The following ZNF638 variants were observed in gnomAD, a reference collection of about 807,000 sequenced individuals.
ZNF638 encodes CTCL tumor antigen se33-1.
In ZNF638, 46 loss-of-function variants were observed where a neutral mutation model predicts 195.6. The observed-to-expected ratio is 0.24, with a 90% CI of 0.19 to 0.30. ZNF638 has a LOEUF of 0.30. Among genes scored for constraint, ZNF638 ranks in the 10% least tolerant of loss-of-function variants. The pLI is 1.00. For synonymous variants in ZNF638, 845 were observed against 772.0 expected (o/e 1.09, Z -1.57); for missense variants, 2,440 against 2,325.3 (o/e 1.05, Z -1.01).
At chr2:71,357,931 G>GT (rs1156712415) in intron 3 of ZNF638, among the ~76,000 whole-genome samples, 3 of 151,784 alleles carry the variant, frequency 2.0e-5, no homozygotes, top group African/African-American at 7.3e-5. Context: ...TTTTCTTTTT[G>GT]TTTTTTTCTT....
At chr2:71,361,768 C>G (rs1474587770) in intron 3 of ZNF638, 1 of 152,186 alleles carries the variant, frequency 6.6e-6, no homozygotes, top group East Asian at 1.9e-4. Flanking sequence ...TTGGTTAGAA[C>G]TTACCACTGG....
chr2:71,400,730 G>T (rs10210436), intron 15 of ZNF638, among the ~76,000 whole-genome samples: 143,122 of 152,224 alleles, frequency 0.94, 67,373 homozygotes, highest in East Asian at 1. Context: ...GTCACAAAAA[G>T]TAGGAACAGA....
rs1011688159 is a variant in ZNF638, at chr2:71,388,295, T to C, written c.2377+7730T>C. ...TTTATCTAGATAAGTTTATTTACTT[T>C]TGCCGACCTTTGATCATCCGACCTT... On this transcript the variant is annotated intron_variant, in intron 10 of 27. Coordinates refer to ENST00000264447, the MANE Select transcript of ZNF638 (RefSeq NM_014497.5). 2.2e-5 allele frequency: 9 copies of C among 407,708 alleles called. 1 individual carries two copies. The highest frequency in any genetic ancestry group is 6.9e-5 in the Admixed American group (2 of 28,968). The allele number at this position is 407,708 out of a possible 1,614,324, so 25.3% of individuals were successfully genotyped here.
chr2:71,362,502 C>T (rs918489090), intron 3 of ZNF638, among the ~76,000 whole-genome samples: 1 of 152,146 alleles, frequency 6.6e-6, no homozygotes, highest in Admixed American at 6.5e-5. Context: ...TTTGTCTCTA[C>T]CTGAAACAAC....
At chr2:71,332,032 A>G (rs2078578926) in intron 1 of ZNF638, among the ~76,000 whole-genome samples, 157 bp downstream of exon 1, 1 of 145,462 alleles carries the variant, frequency 6.9e-6, no homozygotes, top group Non-Finnish European at 1.5e-5. Flanking sequence ...GGGCGGGAGG[A>G]GGTTGGGGGA....
chr2:71,424,707 T>C lies in ZNF638; in HGVS notation c.4582T>C (p.Ser1528Pro), dbSNP rs186518279. ...PKSTTGRSSK[S>P]KEEPLFPFNL... is the part of the protein sequence containing the mutation. ...AAGCACTACTGGTAGAAGTTCCAAA[T>C]CTAAAGAGGTAAAAAATAGATCACA... The change falls in exon 23 of 28, where the codon TCT becomes CCT. Residue 1528 changes from serine (S) to proline (P), a missense_variant. Transcript: ENST00000264447. The C allele has an allele frequency of 5.6e-6, 9 of 1,613,204 alleles. No homozygotes were observed. In the East Asian group the frequency reaches 2.0e-4, roughly 36 times the overall value.
At position 71,356,304 on chromosome 2, in the gene ZNF638, A is replaced by C. The variant is rs377766714; in HGVS notation, c.1379+524A>C. On this transcript the variant is annotated intron_variant, in intron 3 of 27. Coordinates refer to ENST00000264447, the MANE Select transcript of ZNF638 (RefSeq NM_014497.5). ...CTTCTTAAAGACAGGGCACCTGTGA[A>C]GTTTTCCCTACTGGCCATAGAGGTG... Among the ~76,000 whole-genome samples, 6 of 152,178 alleles carry C rather than the reference A, an allele frequency of 3.9e-5. No homozygotes were observed. The South Asian group carries it at 8.3e-4, about 21-fold the overall frequency.
chr2:71,427,449 T>C (rs1158660573), intron 24 of ZNF638, 35 bp downstream of exon 24: 1 of 1,425,192 alleles, frequency 7.0e-7, no homozygotes, highest in East Asian at 2.3e-5. Context: ...TTCTGTTTTA[T>C]GAGGGGATTA....
chr2:71,388,443 A>G (rs972737930), intron 10 of ZNF638: 1 of 685,790 alleles, frequency 1.5e-6, no homozygotes, highest in Non-Finnish European at 2.7e-6. Context: ...GGCAACAACT[A>G]CCCACAGATT....
chr2:71,409,585 A>C (rs936644093), intron 20 of ZNF638, among the ~76,000 whole-genome samples: 2 of 152,176 alleles, frequency 1.3e-5, no homozygotes, highest in African/African-American at 4.8e-5. Flanking sequence ...ATTCCCAGTC[A>C]TTTCTCAAAA....
At position 71,350,104 on chromosome 2, in the gene ZNF638, C is replaced by T. The variant is rs1238065723; in HGVS notation, c.1150C>T (p.Pro384Ser). ...QSQADIPIRS[P>S]FGIVKASWLP... is the part of the protein sequence containing the mutation. ...ACAGGCTGACATTCCCATTCGGTCTCCCTTTGGTATTGTGAAAGCATCCTG... is the reference window on the plus strand; with the variant it reads ...ACAGGCTGACATTCCCATTCGGTCTTCCTTTGGTATTGTGAAAGCATCCTG... The change falls in exon 2 of 28, where the codon CCC becomes TCC. Residue 384 changes from proline (P) to serine (S), a missense_variant. Physicochemically the swap from Pro to Ser is moderately conservative, Grantham distance 74 (BLOSUM62 -1). This residue lies in a region of ZNF638 where 305 missense variants were observed against 283.6 expected (regional missense o/e 1.08). Transcript: ENST00000264447. 6.2e-7 allele frequency: 1 copy of T among 1,614,136 alleles called. No individual in the cohort carries two copies.
At chr2:71,383,981 A>G (rs143870795) in intron 10 of ZNF638, among the ~76,000 whole-genome samples, 1 of 151,832 alleles carries the variant, frequency 6.6e-6, no homozygotes, top group South Asian at 2.1e-4. Flanking sequence ...CCCCTTGAGT[A>G]TACTCTTCTC....
intron 17 of ZNF638, among the ~76,000 whole-genome samples, chr2:71,404,659 C>G (rs1435442335): frequency 6.6e-6 from 1 of 152,154 alleles, no homozygotes; most frequent in Non-Finnish European, 1.5e-5. Flanking sequence ...TGAGGCTGCA[C>G]TGAGCTGTGA....
At chr2:71,395,138 A>G (rs1573112419) in intron 10 of ZNF638, 1 of 677,320 alleles carries the variant, frequency 1.5e-6, no homozygotes, top group African/African-American at 1.8e-5. Flanking sequence ...AAACAGTTAT[A>G]TGGAAGGATG....
chr2:71,376,491 G>T (rs2079428063), intron 8 of ZNF638, among the ~76,000 whole-genome samples: 1 of 152,188 alleles, frequency 6.6e-6, no homozygotes, highest in Non-Finnish European at 1.5e-5. Context: ...TTTTCTACCA[G>T]TGCAAGCCAA....
At chr2:71,338,315 C>T (rs2078706483) in intron 1 of ZNF638, among the ~76,000 whole-genome samples, 1 of 152,208 alleles carries the variant, frequency 6.6e-6, no homozygotes. Flanking sequence ...AGGTACTCAG[C>T]ACTCTATAAG....
Position 71,349,118 on chromosome 2 carries a change from T to G in ZNF638, c.164T>G (p.Phe55Cys). 1.2e-6 allele frequency: 2 copies of G among 1,614,158 alleles called. No individual in the cohort carries two copies. Among genetic ancestry groups the G allele is most frequent in the African/African-American group, 1.3e-5 (1 of 75,030 alleles). Residue 55 changes from phenylalanine to cysteine, a missense_variant, in exon 2 of 28, where the codon TTT (phenylalanine) becomes TGT (cysteine). Coordinates refer to ENST00000264447, the MANE Select transcript of ZNF638 (RefSeq NM_014497.5). ...AGAGCACGTGGAATTCCACACAGAT[T>G]TGCTGGCCATGAATCTTATCAGAAC... ...AGRARGIPHR[F>C]AGHESYQNMG...
chr2:71,341,290 G>A (rs2078758011), intron 1 of ZNF638, among the ~76,000 whole-genome samples: 2 of 152,146 alleles, frequency 1.3e-5, no homozygotes, highest in Admixed American at 6.5e-5. Flanking sequence ...TTCTTAAAAG[G>A]ACATAAATGA....
At chr2:71,381,177 C>T (rs1355502779) in intron 10 of ZNF638, among the ~76,000 whole-genome samples, 1 of 151,970 alleles carries the variant, frequency 6.6e-6, no homozygotes, top group Non-Finnish European at 1.5e-5. Context: ...GAATAAACAG[C>T]TCGATAGTGA....
Sources: gnomAD v4.1 joint callset for allele counts (sites outside exome capture counted in the v4.1 genomes callset) on GRCh38, gnomAD v4.1.1 for gene constraint, gnomAD v4.1.1 regional missense constraint, MANE v1.5 for transcripts, NCBI Gene and HGNC (gene_info 2026-07-23, HGNC 2026-07-21) for gene names.